Variants in ANKRD30B observed in about 807,000 individuals in gnomAD.
ANKRD30B encodes the protein ankyrin repeat domain 30B.
Under a neutral mutation model 202.2 loss-of-function variants are expected in ANKRD30B, and 144 were observed. The ratio of observed to expected loss-of-function variants is 0.71; its 90% CI spans 0.62 to 0.82. The LOEUF is 0.82. ANKRD30B is among the 40% of genes least tolerant of loss of function. The pLI, the probability that ANKRD30B is intolerant of heterozygous loss-of-function variation, is 0.00. For synonymous variants in ANKRD30B, 508 were observed against 561.3 expected, an observed-to-expected ratio of 0.91 and a Z score of 1.34; for missense variants, 1,487 against 1,669.1, an observed-to-expected ratio of 0.89 and a Z score of 1.90.
At chr18:14,750,203 A>T (rs1396221544) in intron 1 of ANKRD30B, among the ~76,000 whole-genome samples, 4 of 152,148 alleles carry the variant, frequency 2.6e-5, no homozygotes, top group Non-Finnish European at 4.4e-5. Context: ...TATTAGAATT[A>T]AAAATCTTCC....
At chr18:14,925,092 A>G in the ANKRD30B span, among the ~76,000 whole-genome samples, 1 of 152,218 alleles carries the variant, frequency 6.6e-6, no homozygotes, top group Non-Finnish European at 1.5e-5. Flanking sequence ...TTGTTCCCCC[A>G]TCAGTGGGAC....
the ANKRD30B span, among the ~76,000 whole-genome samples, chr18:14,885,304 T>TA: frequency 6.6e-6 from 1 of 152,052 alleles, no homozygotes; most frequent in Non-Finnish European, 1.5e-5. Flanking sequence ...CATGCTCAAG[T>TA]AAATGGCAGT....
chr18:14,852,493 G>A (rs1010756582), intron 42 of ANKRD30B, 73 bp downstream of exon 42: 2 of 1,456,022 alleles, frequency 1.4e-6, no homozygotes, highest in Admixed American at 5.7e-5. Flanking sequence ...GCTGAATCTA[G>A]TTGAATATAT....
the ANKRD30B span, among the ~76,000 whole-genome samples, chr18:14,903,121 G>A: frequency 6.6e-6 from 1 of 152,196 alleles, no homozygotes; most frequent in South Asian, 2.1e-4. Context: ...TCAGGTGGCT[G>A]CCAGCACTCC....
the ANKRD30B span, among the ~76,000 whole-genome samples, chr18:14,865,616 G>A: frequency 0.57 from 82,800 of 144,838 alleles, 24,180 homozygotes; most frequent in African/African-American, 0.71. Context: ...TCTACCCCCA[G>A]TTTTTTTTTT....
chr18:14,940,991 G>T, the ANKRD30B span, among the ~76,000 whole-genome samples: 4 of 152,058 alleles, frequency 2.6e-5, no homozygotes, highest in African/African-American at 9.7e-5. Context: ...TGAGCTTAGG[G>T]TCACCAGGCT....
intron 15 of ANKRD30B, among the ~76,000 whole-genome samples, chr18:14,790,693 T>C (rs868837891): frequency 6.6e-6 from 1 of 152,154 alleles, no homozygotes; most frequent in African/African-American, 2.4e-5. Flanking sequence ...GGATTACATT[T>C]ATTGATTTGC....
the ANKRD30B span, among the ~76,000 whole-genome samples, chr18:14,870,463 C>T: frequency 6.6e-6 from 1 of 152,170 alleles, no homozygotes; most frequent in Admixed American, 6.5e-5. Flanking sequence ...TTTGAGGTTA[C>T]CCACGGGACT....
the ANKRD30B span, among the ~76,000 whole-genome samples, chr18:14,885,447 A>C: frequency 2.4e-4 from 36 of 152,078 alleles, no homozygotes; most frequent in Admixed American, 6.6e-5. Context: ...AGTAAGATGC[A>C]AAAATCACAT....
chr18:14,772,262 G>C (rs1241098224), intron 9 of ANKRD30B, 34 bp downstream of exon 9: 2 of 1,348,518 alleles, frequency 1.5e-6, no homozygotes, highest in South Asian at 1.5e-5. Context: ...GATTTTCTCA[G>C]TTGCAATATA....
Position 14,797,818 on chromosome 18 carries a change from G to A in ANKRD30B, c.1993G>A (p.Ala665Thr), listed in dbSNP as rs1413514272. 3 of 1,552,164 alleles carry A rather than the reference G, an allele frequency of 1.9e-6. No homozygotes were observed. The highest frequency in any genetic ancestry group is 1.4e-5 in the African/African-American group (1 of 73,082). ...AAGGAAAGTTTCTCTTCCAAATAAA[G>A]CCTTAGAATTAAAGGACAGAGAAAC... The part of the protein sequence containing the change: ...CGRKVSLPNK[A>T]LELKDRETLK... Residue 665 changes from alanine to threonine, a missense_variant, in exon 20 of 44, where the codon GCC becomes ACC. Coordinates refer to ENST00000690538, the MANE Select transcript of ANKRD30B (RefSeq NM_001367607.2).
At chr18:14,828,256 A>G (rs1340041121) in intron 32 of ANKRD30B, 22 bp from the exon 33 acceptor site, 3 of 1,509,126 alleles carry the variant, frequency 2.0e-6, no homozygotes, top group East Asian at 4.9e-5. Flanking sequence ...GATTTAATGT[A>G]TTTTACTCTT....
intron 7 of ANKRD30B, among the ~76,000 whole-genome samples, chr18:14,768,968 T>G (rs1322330533): frequency 6.6e-6 from 1 of 152,228 alleles, no homozygotes; most frequent in Non-Finnish European, 1.5e-5. Context: ...GGAAAAGTGT[T>G]CTTAATGCAT....
chr18:14,862,306 A>C, the ANKRD30B span, among the ~76,000 whole-genome samples: 1 of 145,054 alleles, frequency 6.9e-6, no homozygotes. Context: ...GGACCAAAAA[A>C]ACCATACAAG....
chr18:14,846,023 A>G (rs1712514761), intron 39 of ANKRD30B, among the ~76,000 whole-genome samples: 1 of 151,676 alleles, frequency 6.6e-6, no homozygotes, highest in Non-Finnish European at 1.5e-5. Context: ...TCAAACCAAT[A>G]CGAATATTTA....
the ANKRD30B span, among the ~76,000 whole-genome samples, chr18:14,909,494 G>A: frequency 2.2e-4 from 34 of 152,180 alleles, no homozygotes; most frequent in Admixed American, 9.8e-4. Context: ...TACAACCTCC[G>A]CCTCCCGGAT....
the ANKRD30B span, among the ~76,000 whole-genome samples, chr18:14,885,710 A>T: frequency 6.6e-6 from 1 of 152,004 alleles, no homozygotes; most frequent in Non-Finnish European, 1.5e-5. Context: ...ATTTACCTCC[A>T]GCATCCCTTC....
At chr18:14,791,608 A>G in intron 16 of ANKRD30B, 117 bp downstream of exon 16, 1 of 765,512 alleles carries the variant, frequency 1.3e-6, no homozygotes. Context: ...GCACAGAAAA[A>G]AGAGAAGTGA....
intron 5 of ANKRD30B, among the ~76,000 whole-genome samples, chr18:14,758,479 G>A (rs1270317133): frequency 6.6e-6 from 1 of 152,298 alleles, no homozygotes; most frequent in Non-Finnish European, 1.5e-5. Flanking sequence ...TTTGTGACCA[G>A]GATGCCCTTA....
Sources: allele counts gnomAD v4.1 joint callset (sites outside exome capture counted in the v4.1 genomes callset), GRCh38; gene constraint gnomAD v4.1.1; transcripts MANE v1.5; gene names NCBI Gene and HGNC (gene_info 2026-07-23, HGNC 2026-07-21).